Variants in CNTNAP2 observed in about 807,000 individuals in gnomAD.
CNTNAP2 encodes contactin associated protein 2, also known as contactin-associated protein-like 2.
Under a neutral mutation model 155.2 loss-of-function variants are expected in CNTNAP2, and 98 were observed. The ratio of observed to expected loss-of-function variants is 0.63; its 90% CI spans 0.54 to 0.75. The LOEUF is 0.75. CNTNAP2 is among the 30% of genes least tolerant of loss of function. CNTNAP2 has a pLI of 0.00. For synonymous variants in CNTNAP2, 651 were observed against 631.2 expected, an observed-to-expected ratio of 1.03 and a Z score of -0.47; for missense variants, 1,727 against 1,688.1, an observed-to-expected ratio of 1.02 and a Z score of -0.40.
At chr7:146,459,180 A>C (rs1796601158) in intron 1 of CNTNAP2, among the ~76,000 whole-genome samples, 1 of 152,216 alleles carries the variant, frequency 6.6e-6, no homozygotes, top group Admixed American at 6.5e-5. Flanking sequence ...CTCACCGATG[A>C]AATTGATTTT....
intron 9 of CNTNAP2, among the ~76,000 whole-genome samples, chr7:147,347,387 C>T (rs1266561566): frequency 2.4e-5 from 3 of 124,672 alleles, no homozygotes; most frequent in Non-Finnish European, 3.6e-5. Flanking sequence ...CCAGAGACTA[C>T]CTTACCTCTG....
At chr7:147,032,257 A>G (rs563544855) in intron 3 of CNTNAP2, among the ~76,000 whole-genome samples, 2 of 152,224 alleles carry the variant, frequency 1.3e-5, no homozygotes, top group Non-Finnish European at 1.5e-5. Flanking sequence ...ATGTATTATG[A>G]TATAGGTAAG....
At chr7:146,423,790 A>G (rs770025618) in intron 1 of CNTNAP2, among the ~76,000 whole-genome samples, 2 of 152,252 alleles carry the variant, frequency 1.3e-5, no homozygotes, top group East Asian at 3.8e-4. Flanking sequence ...TCTAGAATAT[A>G]TCAGAAGGTA....
At chr7:146,142,085 A>T (rs114074899) in intron 1 of CNTNAP2, among the ~76,000 whole-genome samples, 2,124 of 152,272 alleles carry the variant, frequency 0.014, 44 homozygotes, top group African/African-American at 0.047. Flanking sequence ...CCATATTGCA[A>T]TTAACTTTCA....
chr7:147,720,121 T>G (rs1052802142), intron 13 of CNTNAP2, among the ~76,000 whole-genome samples: 2 of 152,110 alleles, frequency 1.3e-5, no homozygotes, highest in African/African-American at 4.8e-5. Flanking sequence ...AAATTCCAAT[T>G]TTCCCAAAGC....
At chr7:147,797,748 A>G (rs1434638069) in intron 13 of CNTNAP2, among the ~76,000 whole-genome samples, 1 of 152,204 alleles carries the variant, frequency 6.6e-6, no homozygotes, top group Non-Finnish European at 1.5e-5. Context: ...GTTCCAGCAT[A>G]AATTACTAAA....
intron 2 of CNTNAP2, among the ~76,000 whole-genome samples, chr7:146,788,479 G>A (rs1043414826): frequency 1.3e-5 from 2 of 152,156 alleles, no homozygotes; most frequent in African/African-American, 4.8e-5. Context: ...TCCAACAAGA[G>A]GCTAATAAAG....
chr7:147,418,440 A>G (rs990791671), intron 10 of CNTNAP2, among the ~76,000 whole-genome samples: 2 of 152,232 alleles, frequency 1.3e-5, no homozygotes, highest in Non-Finnish European at 2.9e-5. Context: ...TATGAAGAGA[A>G]CAAATAAAGT....
chr7:146,641,692 A>G (rs970255288), intron 1 of CNTNAP2, among the ~76,000 whole-genome samples: 5 of 152,140 alleles, frequency 3.3e-5, no homozygotes, highest in African/African-American at 1.2e-4. Flanking sequence ...TTTGATCTCT[A>G]CTTAAGAGTT....
intron 3 of CNTNAP2, among the ~76,000 whole-genome samples, chr7:146,967,915 T>G (rs1293563470): frequency 6.6e-6 from 1 of 150,954 alleles, no homozygotes; most frequent in African/African-American, 2.5e-5. Flanking sequence ...CTTCCAGTTT[T>G]TGCGCATTCA....
Position 147,486,088 on chromosome 7 carries a change from C to T in CNTNAP2, c.1777+47C>T, listed in dbSNP as rs1286379138. 4 of 1,519,554 alleles carry T rather than the reference C, an allele frequency of 2.6e-6. No homozygotes were observed. In the South Asian group the frequency reaches 4.5e-5, roughly 17 times the overall value. 94.1% of individuals were successfully genotyped at this position (1,519,554 alleles called of 1,614,324 possible). On this transcript the variant is annotated intron_variant, in intron 11 of 23. Transcript: ENST00000361727. ...TTTAATCTTGTAATTGCATGAGAAT[C>T]TCAAGTCTTGAGCTGTGCTTTGAAG...
intron 10 of CNTNAP2, among the ~76,000 whole-genome samples, chr7:147,474,564 C>G (rs549986399): frequency 1.3e-5 from 2 of 151,224 alleles, no homozygotes; most frequent in East Asian, 3.9e-4. Context: ...GCCTGGGGAA[C>G]AAGAGTGAGA....
At chr7:147,558,557 A>G (rs2116779458) in intron 11 of CNTNAP2, among the ~76,000 whole-genome samples, 1 of 152,334 alleles carries the variant, frequency 6.6e-6, no homozygotes, top group Middle Eastern at 3.4e-3. Context: ...TGTTTCACAC[A>G]TGCAGAATTT....
chr7:147,397,281 C>T (rs918330063), intron 10 of CNTNAP2, among the ~76,000 whole-genome samples: 1 of 152,022 alleles, frequency 6.6e-6, no homozygotes, highest in Non-Finnish European at 1.5e-5. Context: ...GCTATTATTT[C>T]TGCCTAGAGC....
chr7:146,776,596 G>A (rs1802394280), intron 2 of CNTNAP2, among the ~76,000 whole-genome samples: 1 of 152,150 alleles, frequency 6.6e-6, no homozygotes, highest in South Asian at 2.1e-4. Context: ...GAATTAGAGA[G>A]ATGTGGGTGT....
intron 11 of CNTNAP2, among the ~76,000 whole-genome samples, chr7:147,559,003 T>C (rs1351169178): frequency 1.3e-5 from 2 of 152,192 alleles, no homozygotes; most frequent in Non-Finnish European, 2.9e-5. Flanking sequence ...CCCAAAGTGC[T>C]GGGATTACAG....
At chr7:147,237,049 C>CTTTTTTT (rs548220734) in intron 8 of CNTNAP2, among the ~76,000 whole-genome samples, 6 of 57,476 alleles carry the variant, frequency 1.0e-4, no homozygotes, top group Non-Finnish European at 1.4e-4. Context: ...TTCACCTCCT[C>CTTTTTTT]TTTTTTTTTT....
rs533794568 is a variant in CNTNAP2 at position 147,383,491 on chromosome 7, G to A, written c.1499-12118G>A. 1.6e-4 allele frequency among the ~76,000 whole-genome samples: 24 copies of A among 152,132 alleles called. No individual in the cohort carries two copies. In the South Asian group the frequency reaches 3.1e-3, roughly 20 times the overall value. ...AAAGATACATAGTGCTGCAATAAAC[G>A]TACATGTGCATATGTCTTTATAGTA... is the stretch of plus-strand genomic sequence containing the variant. On this transcript the variant is annotated intron_variant, in intron 9 of 23. Transcript: ENST00000361727.
At chr7:148,194,043 C>T (rs1795237543) in intron 18 of CNTNAP2, among the ~76,000 whole-genome samples, 2 of 151,538 alleles carry the variant, frequency 1.3e-5, no homozygotes, top group Middle Eastern at 3.4e-3. Context: ...CAATCAGGGC[C>T]AACTGCAGCC....
Sources: allele counts gnomAD v4.1 joint callset (sites outside exome capture counted in the v4.1 genomes callset), GRCh38; gene constraint gnomAD v4.1.1; transcripts MANE v1.5; gene names NCBI Gene and HGNC (gene_info 2026-07-23, HGNC 2026-07-21).